The following TPRG1 variants were observed in gnomAD, a reference collection of about 807,000 sequenced individuals.
TPRG1 encodes the protein tumor protein p63-regulated gene 1 protein.
Under a neutral mutation model 29.3 loss-of-function variants are expected in TPRG1, and 29 were observed. That is an observed-to-expected ratio of 0.99 (90% CI 0.74 to 1.35). TPRG1 has a LOEUF of 1.35. TPRG1 is among the 40% of genes most tolerant of loss of function. The probability of loss-of-function intolerance (pLI) is 0.00; values close to 1 mark genes in which losing one functional copy is unlikely to be tolerated. For missense variants in TPRG1, 327 were observed against 335.0 expected (o/e 0.98, Z 0.19); for synonymous variants, 130 against 116.8 (o/e 1.11, Z -0.73).
intron 5 of TPRG1, among the ~76,000 whole-genome samples, chr3:189,317,998 G>T (rs748802167): frequency 6.6e-6 from 1 of 152,118 alleles, no homozygotes; most frequent in African/African-American, 2.4e-5. Flanking sequence ...TAGTCACAGG[G>T]TCTCTATGAG....
intron 4 of TPRG1, among the ~76,000 whole-genome samples, chr3:189,245,163 C>G (rs1190488014): frequency 6.6e-6 from 1 of 152,162 alleles, no homozygotes; most frequent in African/African-American, 2.4e-5. Context: ...CTCAGGTGAT[C>G]CGCCTGCCTT....
chr3:189,035,659 C>T (rs1056894613), intron 4 of TPRG1, among the ~76,000 whole-genome samples: 1 of 151,932 alleles, frequency 6.6e-6, no homozygotes, highest in Non-Finnish European at 1.5e-5. Flanking sequence ...ATACATGTGA[C>T]CAACAAATAT....
intron 4 of TPRG1, among the ~76,000 whole-genome samples, chr3:189,048,478 A>G (rs1715107145): frequency 6.6e-6 from 1 of 152,226 alleles, no homozygotes; most frequent in South Asian, 2.1e-4. Flanking sequence ...TAAAGTCACC[A>G]GATGCATTAA....
At chr3:189,096,720 G>T (rs1050439202), upstream of TPRG1, among the ~76,000 whole-genome samples, 31 of 152,164 alleles carry the variant, frequency 2.0e-4, no homozygotes, top group Non-Finnish European at 2.8e-4. Context: ...AAGTGGTGTT[G>T]TTTTACATTC....
intron 3 of TPRG1, among the ~76,000 whole-genome samples, chr3:189,022,544 G>A (rs570367919): frequency 4.0e-5 from 6 of 151,654 alleles, no homozygotes; most frequent in East Asian, 1.9e-4. Context: ...TAGGCTGCTC[G>A]GGGGTCAGGG....
intron 5 of TPRG1, among the ~76,000 whole-genome samples, chr3:189,316,872 G>A (rs994721121): frequency 2.6e-5 from 4 of 152,092 alleles, no homozygotes; most frequent in Admixed American, 2.6e-4. Context: ...ATTTAGTTCA[G>A]GTGCTTGAAA....
chr3:189,320,996 T>C lies in TPRG1; in HGVS notation c.*176T>C. 4.0e-6 allele frequency: 2 copies of C among 498,400 alleles called. No homozygotes were observed. Among genetic ancestry groups the C allele is most frequent in the South Asian group, 4.5e-5 (1 of 22,056 alleles). The allele number at this position is 498,400 out of a possible 1,614,324, so 30.9% of individuals were successfully genotyped here. On this transcript the variant is annotated 3_prime_UTR_variant, in exon 6 of 6. Transcript: ENST00000345063. ...CTTGATTGGACTGATAGATACACAC[T>C]TTAGACCTCATACAAGAATAATCAA...
chr3:189,232,834 T>C (rs1738878722), intron 3 of TPRG1, among the ~76,000 whole-genome samples: 1 of 152,128 alleles, frequency 6.6e-6, no homozygotes, highest in African/African-American at 2.4e-5. Flanking sequence ...TGTGAATCTG[T>C]GGATTAGTTA....
At chr3:189,094,758 G>A (rs1383486923) in intron 4 of TPRG1, among the ~76,000 whole-genome samples, 1 of 152,192 alleles carries the variant, frequency 6.6e-6, no homozygotes, top group Admixed American at 6.5e-5. Flanking sequence ...GACATGATAG[G>A]TAGTGCTGAG....
intron 1 of TPRG1, among the ~76,000 whole-genome samples, chr3:189,105,445 T>A (rs929192696): frequency 6.6e-6 from 1 of 152,098 alleles, no homozygotes; most frequent in Non-Finnish European, 1.5e-5. Context: ...TAGCTCTTTT[T>A]CATGCATTGA....
At chr3:189,147,058 T>A (rs972186188) in intron 3 of TPRG1, among the ~76,000 whole-genome samples, 3 of 152,192 alleles carry the variant, frequency 2.0e-5, no homozygotes, top group Non-Finnish European at 2.9e-5. Context: ...GCTAAGTAAC[T>A]CATCCAAGGT....
intron 3 of TPRG1, among the ~76,000 whole-genome samples, chr3:189,008,885 A>G (rs188920863): frequency 3.3e-4 from 50 of 152,290 alleles, no homozygotes; most frequent in African/African-American, 1.2e-3. Flanking sequence ...TTTAAGCATT[A>G]TTCTATAGTG....
chr3:189,206,807 C>CTGTGTGTG (rs1560551111), intron 1 of TPRG1, among the ~76,000 whole-genome samples: 5 of 60,570 alleles, frequency 8.3e-5, no homozygotes, highest in African/African-American at 5.0e-4. Context: ...AGCTGAACAA[C>CTGTGTGTG]CGTGTGTGTG....
chr3:189,066,850 C>T (rs1716485866), intron 4 of TPRG1, among the ~76,000 whole-genome samples: 1 of 151,986 alleles, frequency 6.6e-6, no homozygotes, highest in South Asian at 2.1e-4. Flanking sequence ...ACAGAAAAGG[C>T]ATCCAAATTT....
At chr3:189,046,173 G>T (rs976880731) in intron 4 of TPRG1, among the ~76,000 whole-genome samples, 1 of 152,186 alleles carries the variant, frequency 6.6e-6, no homozygotes, top group African/African-American at 2.4e-5. Context: ...TCTTGGTTTG[G>T]GCCAATGGTT....
At chr3:189,022,278 A>G (rs1205962383) in intron 3 of TPRG1, among the ~76,000 whole-genome samples, 35 of 150,870 alleles carry the variant, frequency 2.3e-4, no homozygotes, top group African/African-American at 6.1e-4. Context: ...CTGGTGAGGA[A>G]CTGCGTTCCT....
intron 1 of TPRG1, among the ~76,000 whole-genome samples, chr3:189,103,517 A>G (rs1256528309): frequency 6.6e-6 from 1 of 152,154 alleles, no homozygotes; most frequent in Non-Finnish European, 1.5e-5. Context: ...ACGGACAATC[A>G]TTCCATGTGT....
intron 3 of TPRG1, among the ~76,000 whole-genome samples, chr3:189,228,808 A>C (rs1026477850): frequency 6.6e-6 from 1 of 152,204 alleles, no homozygotes; most frequent in Non-Finnish European, 1.5e-5. Flanking sequence ...CATACAAATC[A>C]GAAAGGAAAA....
chr3:189,057,307 G>A (rs1328158184), intron 4 of TPRG1, among the ~76,000 whole-genome samples: 2 of 152,112 alleles, frequency 1.3e-5, no homozygotes, highest in Admixed American at 6.5e-5. Flanking sequence ...CTTCAGGTCT[G>A]AATCACTAAA....
Sources: allele counts gnomAD v4.1 joint callset (sites outside exome capture counted in the v4.1 genomes callset), GRCh38; gene constraint gnomAD v4.1.1; transcripts MANE v1.5; gene names NCBI Gene and HGNC (gene_info 2026-07-23, HGNC 2026-07-21).